The following PADI3 variants were observed in gnomAD, a reference collection of about 807,000 sequenced individuals.
PADI3 encodes the protein protein-arginine deiminase type-3.
PADI3 carries 53 observed loss-of-function variants against 71.5 expected under a neutral mutation model. The observed-to-expected ratio is 0.74, with a 90% CI of 0.59 to 0.93. The LOEUF is 0.93. Among genes scored for constraint, PADI3 ranks in the 40% least tolerant of loss-of-function variants. The pLI, the probability that PADI3 is intolerant of heterozygous loss-of-function variation, is 0.00. For synonymous variants in PADI3, 361 were observed against 347.5 expected (o/e 1.04, Z -0.43); for missense variants, 821 against 868.0 (o/e 0.95, Z 0.68).
At position 17,280,698 on chromosome 1, in the gene PADI3, C is replaced by CT. The variant is rs2073389565; in HGVS notation, c.1664dup (p.Lys556GlufsTer10). On this transcript the variant is annotated frameshift_variant, in exon 15 of 16. Coordinates refer to ENST00000375460, the MANE Select transcript of PADI3 (RefSeq NM_016233.2). LOFTEE classifies it high-confidence loss of function. ...CTGCATCGACTGGAACCGTGAGGTG[C>CT]TGAAGCGGGAGCTGGGCCTGGCAGA... The CT allele has an allele frequency of 6.2e-7, 1 of 1,614,038 alleles. No individual in the cohort carries two copies. The highest frequency in any genetic ancestry group is 1.7e-5 in the Admixed American group (1 of 59,996).
At chr1:17,267,466 G>T (rs1019824015) in intron 5 of PADI3, among the ~76,000 whole-genome samples, 1 of 152,228 alleles carries the variant, frequency 6.6e-6, no homozygotes, top group Admixed American at 6.5e-5. Flanking sequence ...ACATGGGGAT[G>T]CTGGGGCTCC....
In PADI3 at chr1:17,266,769, C is replaced by T. The variant is rs768455472; in HGVS notation, c.459C>T (p.Asn153=). Residue 153 remains asparagine (N), a synonymous_variant, in exon 5 of 16, where the codon AAC becomes AAT. Transcript: ENST00000375460. ...PSGYGGILLV[N]CDRDDPSCDV... is the part of the protein sequence containing the mutation. ...GGTATGGCGGCATCTTGCTGGTGAA[C>T]TGTGACCGTGATGATCCGAGCTGTG... is the stretch of plus-strand genomic sequence containing the variant. 4 of 1,614,166 alleles carry T rather than the reference C, an allele frequency of 2.5e-6. No individual in the cohort carries two copies. In the South Asian group the frequency reaches 4.4e-5, roughly 18 times the overall value.
chr1:17,271,836 C>CAAAAAAAAAA (rs71571852), intron 9 of PADI3, among the ~76,000 whole-genome samples: 21 of 79,364 alleles, frequency 2.6e-4, no homozygotes, highest in Non-Finnish European at 3.2e-4. Context: ...GCAACAACAA[C>CAAAAAAAAAA]AAAAAAAAAA....
At chr1:17,269,992 A>C (rs1569902243) in intron 6 of PADI3, among the ~76,000 whole-genome samples, 1 of 152,106 alleles carries the variant, frequency 6.6e-6, no homozygotes, top group East Asian at 1.9e-4. Context: ...ACTTTGTTGG[A>C]TGCTGCCAAA....
intron 3 of PADI3, among the ~76,000 whole-genome samples, chr1:17,263,000 C>T (rs2977267): frequency 0.041 from 6,178 of 152,246 alleles, 178 homozygotes; most frequent in East Asian, 0.12. Flanking sequence ...CCGCAACCTC[C>T]GCCTCCTGGG....
rs1360902614 is a variant in PADI3 at position 17,249,197 on chromosome 1, G to T, written c.60G>T (p.Val20=). 5.6e-6 allele frequency: 9 copies of T among 1,614,056 alleles called. No homozygotes were observed. The highest frequency in any genetic ancestry group is 7.6e-6 in the Non-Finnish European group (9 of 1,180,032). The change falls in exon 1 of 16, where the codon GTG becomes GTT. Residue 20 remains valine (V), a synonymous_variant. Coordinates refer to ENST00000375460, the MANE Select transcript of PADI3 (RefSeq NM_016233.2). The part of the protein sequence containing the change: ...SLEHPTSAVC[V]AGVETLVDIY... ...AGCATCCCACCAGCGCGGTGTGTGTGGCTGGCGTGGAGACCCTCGTGGACA... is the reference window on the plus strand; with the variant it reads ...AGCATCCCACCAGCGCGGTGTGTGTTGCTGGCGTGGAGACCCTCGTGGACA...
intron 13 of PADI3, among the ~76,000 whole-genome samples, chr1:17,279,488 C>T (rs999119473): frequency 1.3e-5 from 2 of 152,138 alleles, no homozygotes; most frequent in African/African-American, 4.8e-5. Flanking sequence ...GTGAAGCGGG[C>T]GTTAGACCTG....
intron 3 of PADI3, among the ~76,000 whole-genome samples, chr1:17,265,361 A>T (rs2073154011): frequency 1.3e-5 from 2 of 150,448 alleles, no homozygotes; most frequent in Non-Finnish European, 2.9e-5. Flanking sequence ...ATGTTCCTGG[A>T]GACCTGGGCT....
At chr1:17,256,232 C>T (rs1170363419) in intron 1 of PADI3, among the ~76,000 whole-genome samples, 1 of 152,172 alleles carries the variant, frequency 6.6e-6, no homozygotes, top group Admixed American at 6.5e-5. Flanking sequence ...GCAAGCCTTT[C>T]CTGTCTATTA....
At chr1:17,256,872 A>G (rs1326500569) in intron 1 of PADI3, among the ~76,000 whole-genome samples, 1 of 152,000 alleles carries the variant, frequency 6.6e-6, no homozygotes, top group Non-Finnish European at 1.5e-5. Context: ...GTTTCTACTG[A>G]AAATACAAAA....
At chr1:17,274,822 G>T (rs747870690) in intron 11 of PADI3, 36 bp downstream of exon 11, 1 of 1,603,188 alleles carries the variant, frequency 6.2e-7, no homozygotes, top group East Asian at 2.2e-5. Context: ...TCCTGGGGTG[G>T]AGGCTGAGGG....
At chr1:17,249,405 T>G (rs559902972) in intron 1 of PADI3, among the ~76,000 whole-genome samples, 176 bp downstream of exon 1, 18 of 152,232 alleles carry the variant, frequency 1.2e-4, no homozygotes, top group African/African-American at 4.1e-4. Flanking sequence ...CCTGAAGACC[T>G]TAGCCAGGGA....
At chr1:17,281,730 G>A (rs2073403049) in intron 15 of PADI3, among the ~76,000 whole-genome samples, 2 of 152,230 alleles carry the variant, frequency 1.3e-5, no homozygotes, top group East Asian at 1.9e-4. Flanking sequence ...TGGGATTACA[G>A]GCGGAAGCCA....
At chr1:17,256,142 G>A (rs1315652042) in intron 1 of PADI3, among the ~76,000 whole-genome samples, 2 of 152,146 alleles carry the variant, frequency 1.3e-5, no homozygotes, top group Non-Finnish European at 2.9e-5. Flanking sequence ...CCAGCCCACT[G>A]TCTCATCCTG....
Position 17,280,332 on chromosome 1 carries a change from C to T in PADI3, c.1556-18C>T. 6.2e-7 allele frequency: 1 copy of T among 1,606,724 alleles called. No individual in the cohort carries two copies. Among genetic ancestry groups the T allele is most frequent in the East Asian group, 2.2e-5 (1 of 44,840 alleles). ...TGGTGCTGTCCCTGTCCTTCTCTTT[C>T]ATCTCTCTCCTTCACAGATGATGAG... On this transcript the variant is annotated intron_variant, in intron 13 of 15. Coordinates refer to ENST00000375460, the MANE Select transcript of PADI3 (RefSeq NM_016233.2).
rs372866041 is a variant in PADI3, at chr1:17,266,991, G to C, written c.526+155G>C. On this transcript the variant is annotated intron_variant, in intron 5 of 15. Transcript: ENST00000375460. ...CGATGCTCCTCAAAACCCATCTCAG[G>C]CTGGCAGCTGCCCCTCCCTAGTGTC... 3.4e-4 allele frequency among the ~76,000 whole-genome samples: 51 copies of C among 152,218 alleles called. No homozygotes were observed. The South Asian group carries it at 0.01, about 30-fold the overall frequency.
chr1:17,251,409 C>T (rs1209544355), intron 1 of PADI3, among the ~76,000 whole-genome samples: 1 of 152,168 alleles, frequency 6.6e-6, no homozygotes, highest in Non-Finnish European at 1.5e-5. Flanking sequence ...AGCTCTCTGA[C>T]CGTGGGAAAC....
At position 17,259,704 on chromosome 1, in the gene PADI3, T is replaced by G. The variant is rs1342073339; in HGVS notation, c.219T>G (p.Thr73=). The G allele has an allele frequency of 3.1e-6, 5 of 1,613,252 alleles. No individual in the cohort carries two copies. The highest frequency in any genetic ancestry group is 3.4e-6 in the Non-Finnish European group (4 of 1,179,430). ...ADTRRWRFDA[T]LEIIVVMNSP... Reference sequence around the variant, plus strand: ...CCAGGCGGTGGCGCTTTGACGCGACTTTGGAGATCATCGTGGTCATGAACT... The same window carrying G: ...CCAGGCGGTGGCGCTTTGACGCGACGTTGGAGATCATCGTGGTCATGAACT... The change falls in exon 2 of 16, where the codon ACT becomes ACG. Residue 73 remains threonine (T), a synonymous_variant. Transcript: ENST00000375460.
At chr1:17,272,149 G>A (rs752607448) in intron 9 of PADI3, among the ~76,000 whole-genome samples, 3 of 152,218 alleles carry the variant, frequency 2.0e-5, no homozygotes, top group African/African-American at 4.8e-5. Flanking sequence ...CACAGAGCTG[G>A]TAAAGGCAGT....
Sources: gnomAD v4.1 joint callset for allele counts (sites outside exome capture counted in the v4.1 genomes callset) on GRCh38, gnomAD v4.1.1 for gene constraint, MANE v1.5 for transcripts, NCBI Gene and HGNC (gene_info 2026-07-23, HGNC 2026-07-21) for gene names.